POLGARF: variants seen among roughly 807,000 people sequenced by gnomAD.
The protein encoded by POLGARF is POLG alternative reading frame.
At chr15:89,332,976 C>A in the POLGARF span, 5 of 1,346,992 alleles carry the variant, frequency 3.7e-6, no homozygotes, top group Non-Finnish European at 4.0e-6. Context: ...TAATTCAACA[C>A]ATCAGCGCTC....
At chr15:89,333,302 C>T in the POLGARF span, 4 of 1,554,434 alleles carry the variant, frequency 2.6e-6, no homozygotes, top group Non-Finnish European at 3.5e-6. Context: ...TGGCCGCCTC[C>T]AGGTAGGGCA....
the POLGARF span, among the ~76,000 whole-genome samples, chr15:89,331,475 G>C: frequency 6.6e-6 from 1 of 152,230 alleles, no homozygotes; most frequent in African/African-American, 2.4e-5. Flanking sequence ...TTATAAACTA[G>C]TGATTAAAAA....
chr15:89,333,545 C>G, the POLGARF span: 5 of 1,612,524 alleles, frequency 3.1e-6, no homozygotes, highest in East Asian at 2.2e-5. Flanking sequence ...ATGGGTTGTG[C>G]CGCAGCTGCC....
the POLGARF span, among the ~76,000 whole-genome samples, chr15:89,331,068 C>T: frequency 6.6e-6 from 1 of 152,186 alleles, no homozygotes; most frequent in African/African-American, 2.4e-5. Flanking sequence ...TCAAGGCCCA[C>T]TCAGCATCAA....
chr15:89,333,416 C>A, the POLGARF span: 2 of 1,606,640 alleles, frequency 1.2e-6, no homozygotes, highest in Non-Finnish European at 8.5e-7. Flanking sequence ...CTGGCTGCCC[C>A]CAGAGCCCGT....
chr15:89,333,164 G>A, the POLGARF span: 2 of 1,551,754 alleles, frequency 1.3e-6, no homozygotes, highest in Non-Finnish European at 1.7e-6. Context: ...CCTCCACGTC[G>A]AACACCAGGG....
At chr15:89,331,141 G>C in the POLGARF span, among the ~76,000 whole-genome samples, 1 of 115,734 alleles carries the variant, frequency 8.6e-6, no homozygotes, top group Non-Finnish European at 1.7e-5. Flanking sequence ...AACCTTTATG[G>C]AAGGGAAAAA....
At chr15:89,333,004 C>T in the POLGARF span, 3 of 1,475,496 alleles carry the variant, frequency 2.0e-6, no homozygotes, top group Admixed American at 7.2e-5. Flanking sequence ...GAGCACCCAG[C>T]CCGTAACAGG....
At chr15:89,330,459 G>C in the POLGARF span, among the ~76,000 whole-genome samples, 1 of 152,336 alleles carries the variant, frequency 6.6e-6, no homozygotes. Context: ...GGGTGTGTGT[G>C]CTGGCGGGCA....
At chr15:89,331,981 C>T in the POLGARF span, among the ~76,000 whole-genome samples, 6 of 152,174 alleles carry the variant, frequency 3.9e-5, no homozygotes, top group African/African-American at 1.4e-4. Flanking sequence ...GAAAAGGGGA[C>T]TTGAGGTAAT....
chr15:89,333,433 G>C, the POLGARF span: 1 of 1,609,004 alleles, frequency 6.2e-7, no homozygotes, highest in Admixed American at 1.7e-5. Context: ...CCGTGCTTCT[G>C]CAGGTGCTCG....
chr15:89,331,116 G>GA, the POLGARF span, among the ~76,000 whole-genome samples: 1 of 148,950 alleles, frequency 6.7e-6, no homozygotes, highest in Middle Eastern at 3.2e-3. Flanking sequence ...ACACAGCTGC[G>GA]AAGGAGCTCC....
At chr15:89,332,619 G>A in the POLGARF span, among the ~76,000 whole-genome samples, 1 of 150,890 alleles carries the variant, frequency 6.6e-6, no homozygotes, top group African/African-American at 2.4e-5. Context: ...GGGGCGGGGG[G>A]GTGTTGGTCT....
At chr15:89,333,723 C>T in the POLGARF span, 746 of 1,536,106 alleles carry the variant, frequency 4.9e-4, 1 homozygote, top group Non-Finnish European at 6.1e-4. Flanking sequence ...GACGGTGGCG[C>T]CGGCCACCTT....
the POLGARF span, chr15:89,333,578 C>A: frequency 2.1e-5 from 33 of 1,609,498 alleles, no homozygotes; most frequent in Admixed American, 3.5e-4. Flanking sequence ...ATAGCACTTG[C>A]GGCTGCTGAG....
At chr15:89,331,380 G>A in the POLGARF span, among the ~76,000 whole-genome samples, 2 of 151,958 alleles carry the variant, frequency 1.3e-5, no homozygotes, top group African/African-American at 4.8e-5. Flanking sequence ...AATCTTTGAG[G>A]CCATGGTGGT....
the POLGARF span, among the ~76,000 whole-genome samples, chr15:89,330,635 C>T: frequency 6.6e-6 from 1 of 152,096 alleles, no homozygotes; most frequent in Non-Finnish European, 1.5e-5. Context: ...CATTATCAAC[C>T]CCTCACGTCT....
the POLGARF span, chr15:89,333,487 G>T: frequency 6.2e-7 from 1 of 1,612,570 alleles, no homozygotes; most frequent in Non-Finnish European, 8.5e-7. Context: ...TCCCCTCCTT[G>T]CCCGAAGATT....
the POLGARF span, chr15:89,333,636 C>G: frequency 1.5e-5 from 24 of 1,586,442 alleles, no homozygotes; most frequent in Non-Finnish European, 2.1e-5. Flanking sequence ...CTGCCGCCGC[C>G]GCTGCCCGTC....
Sources: gnomAD v4.1 joint callset for allele counts (sites outside exome capture counted in the v4.1 genomes callset) on GRCh38, gnomAD v4.1.1 for gene constraint, MANE v1.5 for transcripts, NCBI Gene and HGNC (gene_info 2026-07-23, HGNC 2026-07-21) for gene names.